ZNF254: variants seen among roughly 807,000 people sequenced by gnomAD.
ZNF254 encodes the protein CTD-2017D11.1.
Under a neutral mutation model 12.4 loss-of-function variants are expected in ZNF254, and 10 were observed. That is an observed-to-expected ratio of 0.80 (90% CI 0.50 to 1.36). ZNF254 has a LOEUF of 1.36. Ranked by LOEUF, ZNF254 falls within the 40% of genes most tolerant of loss-of-function variation. The pLI is 0.00. For synonymous variants in ZNF254, 305 were observed against 253.4 expected, an observed-to-expected ratio of 1.20 and a Z score of -1.93; for missense variants, 996 against 763.9, an observed-to-expected ratio of 1.30 and a Z score of -3.58.
chr19:24,127,186 C>T lies in ZNF254; in HGVS notation c.1186C>T (p.His396Tyr), dbSNP rs1974929365. 1 of 1,613,280 alleles carries T rather than the reference C, an allele frequency of 6.2e-7. No individual in the cohort carries two copies. The highest frequency in any genetic ancestry group is 1.3e-5 in the African/African-American group (1 of 74,842). Residue 396 changes from histidine (H) to tyrosine (Y), a missense_variant, in exon 4 of 4, where the codon CAT becomes TAT. His to Tyr is a moderately conservative substitution (Grantham distance 83, BLOSUM62 2). Transcript: ENST00000357002. The stretch of plus-strand genomic sequence containing the variant: ...TAAGCAACTCTCAACTCTTACTACA[C>T]ATAAAATAATTCATGTTGGAGAGAA... ...AFKQLSTLTT[H>Y]KIIHVGEKLY...
intron 1 of ZNF254, among the ~76,000 whole-genome samples, chr19:24,097,853 AC>A (rs1189721764): frequency 8.5e-5 from 13 of 152,150 alleles, no homozygotes; most frequent in South Asian, 2.1e-4. Context: ...AACAAAAAAA[AC>A]AATTCAGTTT....
At chr19:24,100,827 C>CA (rs1888783382) in intron 1 of ZNF254, among the ~76,000 whole-genome samples, 1 of 129,892 alleles carries the variant, frequency 7.7e-6, no homozygotes, top group Non-Finnish European at 1.6e-5. Context: ...GTTGTGTCAG[C>CA]TTTTTTTTTT....
intron 1 of ZNF254, among the ~76,000 whole-genome samples, chr19:24,092,615 A>G (rs548708892): frequency 6.6e-6 from 1 of 152,032 alleles, no homozygotes; most frequent in South Asian, 2.1e-4. Flanking sequence ...TCCTGAGCTC[A>G]GGCAATCCAC....
intron 3 of ZNF254, among the ~76,000 whole-genome samples, chr19:24,115,624 TG>T (rs1364557720): frequency 6.6e-6 from 1 of 151,844 alleles, no homozygotes; most frequent in Non-Finnish European, 1.5e-5. Flanking sequence ...TGTATACATA[TG>T]TAACTAACCT....
At chr19:24,103,268 T>A (rs1356196453) in intron 1 of ZNF254, among the ~76,000 whole-genome samples, 1 of 152,224 alleles carries the variant, frequency 6.6e-6, no homozygotes, top group Non-Finnish European at 1.5e-5. Context: ...TACCTCATTT[T>A]TCTAACTAAT....
intron 1 of ZNF254, among the ~76,000 whole-genome samples, chr19:24,089,814 A>G (rs1391393455): frequency 6.6e-6 from 1 of 152,110 alleles, no homozygotes; most frequent in Non-Finnish European, 1.5e-5. Flanking sequence ...AGTATTGAGG[A>G]GAAAACAAAT....
At chr19:24,036,358 C>G (rs1445125648) in intron 1 of ZNF254, among the ~76,000 whole-genome samples, 2 of 152,018 alleles carry the variant, frequency 1.3e-5, no homozygotes, top group Non-Finnish European at 2.9e-5. Context: ...CGCCTGGCTG[C>G]AACTATAATG....
intron 2 of ZNF254, chr19:24,065,664 A>T (rs1971243226): frequency 1.3e-5 from 2 of 151,862 alleles, no homozygotes; most frequent in Non-Finnish European, 2.9e-5. Flanking sequence ...ATTGTGATTT[A>T]TCGCTGAATC....
intron 1 of ZNF254, among the ~76,000 whole-genome samples, chr19:24,041,739 C>T (rs1244436713): frequency 6.6e-6 from 1 of 152,254 alleles, no homozygotes; most frequent in East Asian, 1.9e-4. Flanking sequence ...CACCTGCAGC[C>T]CCGGTGCGGG....
upstream of ZNF254, among the ~76,000 whole-genome samples, chr19:24,082,557 G>C (rs1446632996): frequency 5.6e-5 from 7 of 124,848 alleles, no homozygotes; most frequent in East Asian, 2.4e-4. Flanking sequence ...GGCTGAGGCA[G>C]AAGAATCTCT....
At chr19:24,049,214 A>ATTTTTTTTT (rs66491625) in intron 2 of ZNF254, among the ~76,000 whole-genome samples, 18 of 40,850 alleles carry the variant, frequency 4.4e-4, no homozygotes, top group Middle Eastern at 0.021. Context: ...ATATATATAT[A>ATTTTTTTTT]TTTTTTTTTT....
At chr19:24,038,618 C>A (rs1295297280) in intron 1 of ZNF254, among the ~76,000 whole-genome samples, 1 of 152,142 alleles carries the variant, frequency 6.6e-6, no homozygotes. Context: ...ACATACTGTG[C>A]CCACCATGCT....
At chr19:24,105,716 C>T in intron 1 of ZNF254, 1 of 504,934 alleles carries the variant, frequency 2.0e-6, no homozygotes, top group Non-Finnish European at 3.0e-6. Flanking sequence ...ATCTTCCAGA[C>T]AAGTATCACA....
upstream of ZNF254, among the ~76,000 whole-genome samples, chr19:24,084,552 A>AAAT (rs922578500): frequency 1.1e-4 from 16 of 151,920 alleles, no homozygotes; most frequent in Non-Finnish European, 1.9e-4. Context: ...AAAACTTTGG[A>AAAT]AATAATAATA....
In ZNF254 at chr19:24,127,286, C is replaced by T; in HGVS notation, c.1286C>T (p.Thr429Ile). The change falls in exon 4 of 4, where the codon ACT becomes ATT. Residue 429 changes from threonine to isoleucine, a missense_variant. By Grantham distance (89) the Thr-to-Ile change is moderately conservative. Transcript: ENST00000357002. ...SNLTTHKIIH[T>I]GEKPYKCEEC... ...CTTACTACACATAAGATAATTCATA[C>T]TGGAGAGAAACCTTACAAGTGTGAA... 1 of 1,613,602 alleles carries T rather than the reference C, an allele frequency of 6.2e-7. No individual in the cohort carries two copies. The highest frequency in any genetic ancestry group is 1.3e-5 in the African/African-American group (1 of 74,988).
At chr19:24,115,026 C>A (rs1298879990) in intron 3 of ZNF254, among the ~76,000 whole-genome samples, 1 of 152,266 alleles carries the variant, frequency 6.6e-6, no homozygotes, top group East Asian at 1.9e-4. Flanking sequence ...CAGGAAACAA[C>A]AGGTGCTGGA....
In ZNF254 at chr19:24,129,520, A is replaced by G. The variant is rs1044520880; in HGVS notation, c.*1540A>G. 6.6e-6 allele frequency: 1 copy of G among 151,940 alleles called. No homozygotes were observed. The highest frequency in any genetic ancestry group is 2.4e-5 in the African/African-American group (1 of 41,434). The allele number at this position is 151,940 out of a possible 1,614,324, so 9.4% of individuals were successfully genotyped here. A position where few individuals can be genotyped will look rare whatever the true frequency, so the allele number is the denominator to read the frequency against. ...CAATAAGTTAAAGAATATTGTTCCT[A>G]TGGGTTAAATTTTTATTCTTATTTT... On this transcript the variant is annotated 3_prime_UTR_variant, in exon 4 of 4. Transcript: ENST00000357002.
At chr19:24,095,942 T>C (rs893538770) in intron 1 of ZNF254, among the ~76,000 whole-genome samples, 1 of 152,098 alleles carries the variant, frequency 6.6e-6, no homozygotes, top group African/African-American at 2.4e-5. Context: ...ATTGATTATA[T>C]CAGGTTGTAA....
chr19:24,040,496 C>T (rs1970115558), intron 1 of ZNF254, among the ~76,000 whole-genome samples: 1 of 152,102 alleles, frequency 6.6e-6, no homozygotes, highest in African/African-American at 2.4e-5. Flanking sequence ...TCTACTTATC[C>T]CTTCCTTTCT....
Sources: allele counts gnomAD v4.1 joint callset (sites outside exome capture counted in the v4.1 genomes callset), GRCh38; gene constraint gnomAD v4.1.1; transcripts MANE v1.5; gene names NCBI Gene and HGNC (gene_info 2026-07-23, HGNC 2026-07-21).